Variants in ADGRB2 observed in about 807,000 individuals in gnomAD.
ADGRB2 encodes the protein brain-specific angiogenesis inhibitor 2.
Under a neutral mutation model 178.7 loss-of-function variants are expected in ADGRB2, and 47 were observed. The observed-to-expected ratio is 0.26, with a 90% CI of 0.21 to 0.34. The LOEUF (loss-of-function observed/expected upper bound fraction) is 0.34. Among genes scored for constraint, ADGRB2 ranks in the 10% least tolerant of loss-of-function variants. ADGRB2 has a pLI of 1.00. For synonymous variants in ADGRB2, 870 were observed against 912.4 expected (o/e 0.95, Z 0.84); for missense variants, 1,584 against 2,180.8 (o/e 0.73, Z 5.45).
chr1:31,741,269 A>G lies in ADGRB2; in HGVS notation c.1794+104T>C. On this transcript the variant is annotated intron_variant, in intron 11 of 32. Transcript: ENST00000373658. This position sits in a 1 kb window ranked among gnomAD's most constrained non-coding sequence, Gnocchi z 6.5. ...ACAGCCAGGCAGAAGTGGGCACAGC[A>G]TATGCCAAGGCACGTGGGAACGAGC... 1 of 1,210,466 alleles carries G rather than the reference A, an allele frequency of 8.3e-7. No individual in the cohort carries two copies. The highest frequency in any genetic ancestry group is 2.6e-5 in the East Asian group (1 of 38,938). 75.0% of individuals were successfully genotyped at this position (1,210,466 alleles called of 1,614,324 possible). A position where few individuals can be genotyped will look rare whatever the true frequency, so the allele number is the denominator to read the frequency against.
rs1569939958 is a variant in ADGRB2, at chr1:31,744,172, T to G, written c.1087+21A>C. 6.6e-7 allele frequency: 1 copy of G among 1,505,410 alleles called. No individual in the cohort carries two copies. The highest frequency in any genetic ancestry group is 8.9e-7 in the Non-Finnish European group (1 of 1,121,386). The allele number at this position is 1,505,410 out of a possible 1,614,324, so 93.3% of individuals were successfully genotyped here. ...GACCTAACCCTGCAGGCAGGTGGGGTGGGGAGGAGGATGGGCCTACCTGGG... is the reference window on the plus strand; with the variant it reads ...GACCTAACCCTGCAGGCAGGTGGGGGGGGGAGGAGGATGGGCCTACCTGGG... On this transcript the variant is annotated intron_variant, in intron 6 of 32. Coordinates refer to ENST00000373658, the MANE Select transcript of ADGRB2 (RefSeq NM_001364857.2). This position sits in a 1 kb window ranked among gnomAD's most constrained non-coding sequence, Gnocchi z 6.7.
At chr1:31,745,451 T>G (rs1646224026) in intron 4 of ADGRB2, among the ~76,000 whole-genome samples, 1 of 152,172 alleles carries the variant, frequency 6.6e-6, no homozygotes. Context: ...CCCACCAGGC[T>G]CTCAGCTGCC....
At position 31,750,673 on chromosome 1, in the gene ADGRB2, G is replaced by A. The variant is rs147832588; in HGVS notation, c.838+5326C>T. Among the ~76,000 whole-genome samples the A allele has an allele frequency of 2.5e-3, 374 of 152,290 alleles. 1 individual carries two copies. Among genetic ancestry groups the A allele is most frequent in the African/African-American group, 8.2e-3 (342 of 41,550 alleles). On this transcript the variant is annotated intron_variant, in intron 4 of 32. Coordinates refer to ENST00000373658, the MANE Select transcript of ADGRB2 (RefSeq NM_001364857.2). Reference sequence around the variant, plus strand: ...GCTGGTCCCAGAGCCCTGAGCAGGAGCCGACTGATCCCCTTGACACATGCT... The same window carrying A: ...GCTGGTCCCAGAGCCCTGAGCAGGAACCGACTGATCCCCTTGACACATGCT...
chr1:31,736,260 C>A, intron 22 of ADGRB2, 61 bp downstream of exon 22: 1 of 1,579,640 alleles, frequency 6.3e-7, no homozygotes, highest in Non-Finnish European at 8.7e-7. Context: ...AGCCAGCTGC[C>A]CAGTCCGATT....
chr1:31,737,391 C>T lies in ADGRB2; in HGVS notation c.2979+38G>A, dbSNP rs745619278. On this transcript the variant is annotated intron_variant, in intron 20 of 32. Coordinates refer to ENST00000373658, the MANE Select transcript of ADGRB2 (RefSeq NM_001364857.2). ...GCTCTCCACCCTCACCCCTCCACCCCACTCACACCCCTGGCAGCCCTGGAA... is the reference window on the plus strand; with the variant it reads ...GCTCTCCACCCTCACCCCTCCACCCTACTCACACCCCTGGCAGCCCTGGAA... 30 of 1,568,812 alleles carry T rather than the reference C, an allele frequency of 1.9e-5. 1 individual carries two copies. The South Asian group carries it at 2.9e-4, about 15-fold the overall frequency.
rs990249152 is a variant in ADGRB2, at chr1:31,728,366, C to G, written c.4417-86G>C. On this transcript the variant is annotated intron_variant, in intron 30 of 32. Transcript: ENST00000373658. This position sits in a 1 kb window ranked among gnomAD's most constrained non-coding sequence, Gnocchi z 6.7. ...CAGGGCACTCAGCACCCCAAGCCCC[C>G]CACATCCCTCCCTGCTGCCAGCCCC... 42 of 1,416,864 alleles carry G rather than the reference C, an allele frequency of 3.0e-5. No homozygotes were observed. Among genetic ancestry groups the G allele is most frequent in the Non-Finnish European group, 3.9e-5 (40 of 1,018,230 alleles). 87.8% of individuals were successfully genotyped at this position (1,416,864 alleles called of 1,614,324 possible).
At chr1:31,750,887 C>T (rs1360170763) in intron 4 of ADGRB2, among the ~76,000 whole-genome samples, 1 of 152,086 alleles carries the variant, frequency 6.6e-6, no homozygotes, top group African/African-American at 2.4e-5. Flanking sequence ...CCGCCCCCCC[C>T]AATAATTCTT....
intron 1 of ADGRB2, among the ~76,000 whole-genome samples, chr1:31,763,266 C>A (rs12028238): frequency 0.095 from 13,550 of 143,166 alleles, 1,139 homozygotes; most frequent in African/African-American, 0.24. Flanking sequence ...GCAAGATTGG[C>A]GAGGGAAGGC....
Position 31,735,404 on chromosome 1 carries a change from G to A in ADGRB2, c.3354-123C>T. Reference sequence around the variant, plus strand: ...GACGAGAGAGAGAGAGCTGGGTTAGGGTGGGTGAGGGGCTGCGGCTGAGCA... The same window carrying A: ...GACGAGAGAGAGAGAGCTGGGTTAGAGTGGGTGAGGGGCTGCGGCTGAGCA... On this transcript the variant is annotated intron_variant, in intron 24 of 32. Transcript: ENST00000373658. The surrounding 1 kb of genome is among the most constrained non-coding windows in gnomAD (Gnocchi z 6.0). The A allele has an allele frequency of 8.3e-7, 1 of 1,204,290 alleles. No homozygotes were observed. The highest frequency in any genetic ancestry group is 1.3e-5 in the South Asian group (1 of 77,078). 74.6% of individuals were successfully genotyped at this position (1,204,290 alleles called of 1,614,324 possible).
chr1:31,736,377 C>G lies in ADGRB2; in HGVS notation c.3144G>C (p.Leu1048=). 6.2e-7 allele frequency: 1 copy of G among 1,614,042 alleles called. No individual in the cohort carries two copies. The highest frequency in any genetic ancestry group is 8.5e-7 in the Non-Finnish European group (1 of 1,179,994). The change falls in exon 22 of 33, where the codon CTG becomes CTC. Residue 1048 remains leucine (L), a synonymous_variant. Transcript: ENST00000373658. The part of the protein sequence containing the change: ...FLCLGWGLPA[L]VVAVSVGFTR... The stretch of plus-strand genomic sequence containing the variant: ...TAAAGCCAACAGACACGGCCACCAC[C>G]AGGGCAGGCAGACCTGGGGGAGCAG...
At chr1:31,739,014 G>T in intron 15 of ADGRB2, 77 bp from the exon 16 acceptor site, 1 of 1,330,310 alleles carries the variant, frequency 7.5e-7, no homozygotes, top group Non-Finnish European at 1.1e-6. Flanking sequence ...CGCTTTGGAT[G>T]GGTGTGCAGA....
rs964401188 is a variant in ADGRB2 at position 31,736,820 on chromosome 1, G to A, written c.2980-97C>T. ...CCCGCTGCTGGGCGCTGCCACAGCCGCCCACCTGAGCCCCGCCCCCCACAG... is the reference window on the plus strand; with the variant it reads ...CCCGCTGCTGGGCGCTGCCACAGCCACCCACCTGAGCCCCGCCCCCCACAG... On this transcript the variant is annotated intron_variant, in intron 20 of 32. Transcript: ENST00000373658. 6.8e-6 allele frequency: 10 copies of A among 1,480,180 alleles called. No individual in the cohort carries two copies. In the African/African-American group the frequency reaches 8.5e-5, roughly 13 times the overall value. The allele number at this position is 1,480,180 out of a possible 1,614,324, so 91.7% of individuals were successfully genotyped here. A position where few individuals can be genotyped will look rare whatever the true frequency, so the allele number is the denominator to read the frequency against.
chr1:31,747,387 C>T (rs1646331716), intron 4 of ADGRB2, among the ~76,000 whole-genome samples: 1 of 152,172 alleles, frequency 6.6e-6, no homozygotes, highest in South Asian at 2.1e-4. Context: ...CCTCCTGCCT[C>T]CTGAGCAGTT....
Position 31,727,205 on chromosome 1 carries a change from T to G in ADGRB2, c.*215A>C. On this transcript the variant is annotated 3_prime_UTR_variant, in exon 33 of 33. Coordinates refer to ENST00000373658, the MANE Select transcript of ADGRB2 (RefSeq NM_001364857.2). The surrounding 1 kb of genome is among the most constrained non-coding windows in gnomAD (Gnocchi z 4.4). Reference sequence around the variant, plus strand: ...CGGACAGGCTGGGCTGAAGATGGGGTTCCAGTGGCTGAGGGGCCTCTGAGA... The same window carrying G: ...CGGACAGGCTGGGCTGAAGATGGGGGTCCAGTGGCTGAGGGGCCTCTGAGA... 2.0e-6 allele frequency: 1 copy of G among 508,104 alleles called. No homozygotes were observed. Among genetic ancestry groups the G allele is most frequent in the Non-Finnish European group, 3.3e-6 (1 of 300,234 alleles). 31.5% of individuals were successfully genotyped at this position (508,104 alleles called of 1,614,324 possible). A position where few individuals can be genotyped will look rare whatever the true frequency, so the allele number is the denominator to read the frequency against.
chr1:31,734,791 AT>A (rs983214542), intron 25 of ADGRB2, among the ~76,000 whole-genome samples: 2 of 152,170 alleles, frequency 1.3e-5, no homozygotes, highest in African/African-American at 4.8e-5. Flanking sequence ...TCATTCTAAC[AT>A]TCTTAGCTTC....
Position 31,729,890 on chromosome 1 carries a change from G to C in ADGRB2, c.4380+910C>G, listed in dbSNP as rs147258263. Among the ~76,000 whole-genome samples the C allele has an allele frequency of 3.9e-5, 6 of 152,368 alleles. No individual in the cohort carries two copies. In the East Asian group the frequency reaches 1.2e-3, roughly 29 times the overall value. On this transcript the variant is annotated intron_variant, in intron 29 of 32. Coordinates refer to ENST00000373658, the MANE Select transcript of ADGRB2 (RefSeq NM_001364857.2). Reference sequence around the variant, plus strand: ...CCTGTTTTTGCCATCTGTGGCAGAAGCAGGCACCAAATGTTCCAGAAACAC... The same window carrying C: ...CCTGTTTTTGCCATCTGTGGCAGAACCAGGCACCAAATGTTCCAGAAACAC...
Position 31,744,633 on chromosome 1 carries a change from G to A in ADGRB2, c.922+15C>T. On this transcript the variant is annotated intron_variant, in intron 5 of 32. Coordinates refer to ENST00000373658, the MANE Select transcript of ADGRB2 (RefSeq NM_001364857.2). This position sits in a 1 kb window ranked among gnomAD's most constrained non-coding sequence, Gnocchi z 6.7. Reference sequence around the variant, plus strand: ...GGGCCCCCGCCGCAGAGGAAGGGAGGCGGGCCCGAGTTACCTGTCTGCGCC... The same window carrying A: ...GGGCCCCCGCCGCAGAGGAAGGGAGACGGGCCCGAGTTACCTGTCTGCGCC... The A allele has an allele frequency of 6.2e-7, 1 of 1,613,568 alleles. No individual in the cohort carries two copies. Among genetic ancestry groups the A allele is most frequent in the Non-Finnish European group, 8.5e-7 (1 of 1,179,770 alleles).
rs559906376 is a variant in ADGRB2, at chr1:31,754,177, G to A, written c.838+1822C>T. ...TGATGATGGTGCCTTTCCCATCACC[G>A]GCCCTCTCTGATCCCCAAAGACACC... On this transcript the variant is annotated intron_variant, in intron 4 of 32. Transcript: ENST00000373658. The surrounding 1 kb of genome is among the most constrained non-coding windows in gnomAD (Gnocchi z 5.7). Among the ~76,000 whole-genome samples the A allele has an allele frequency of 1.1e-4, 16 of 152,308 alleles. No homozygotes were observed. Among genetic ancestry groups the A allele is most frequent in the Non-Finnish European group, 2.1e-4 (14 of 68,012 alleles).
In ADGRB2 at chr1:31,755,910, A is replaced by G; in HGVS notation, c.838+89T>C. The G allele has an allele frequency of 3.3e-6, 5 of 1,504,268 alleles. No individual in the cohort carries two copies. The highest frequency in any genetic ancestry group is 1.9e-4 in the Middle Eastern group (1 of 5,212). The allele number at this position is 1,504,268 out of a possible 1,614,324, so 93.2% of individuals were successfully genotyped here. On this transcript the variant is annotated intron_variant, in intron 4 of 32. Transcript: ENST00000373658. This position sits in a 1 kb window ranked among gnomAD's most constrained non-coding sequence, Gnocchi z 5.1. ...AGGGGTGACATCAGTGAACAGCTAC[A>G]TGCATGGCCGAGGATCTGCCAGGAT...
Sources: allele counts gnomAD v4.1 joint callset (sites outside exome capture counted in the v4.1 genomes callset), GRCh38; gene constraint gnomAD v4.1.1; non-coding constraint Gnocchi (gnomAD v3.1); transcripts MANE v1.5; gene names NCBI Gene and HGNC (gene_info 2026-07-23, HGNC 2026-07-21).